Variants in CFH observed in about 807,000 individuals in gnomAD.
CFH encodes complement factor H, also known as H factor 1 (complement).
In CFH, 53 loss-of-function variants were observed where a neutral mutation model predicts 147.3. That is an observed-to-expected ratio of 0.36 (90% CI 0.29 to 0.45). The LOEUF is 0.45. Ranked by LOEUF, CFH falls within the 20% of genes least tolerant of loss-of-function variation. The probability of loss-of-function intolerance (pLI) is 1.00; values close to 1 mark genes in which losing one functional copy is unlikely to be tolerated. For synonymous variants in CFH, 536 were observed against 489.4 expected, an observed-to-expected ratio of 1.10 and a Z score of -1.26; for missense variants, 1,380 against 1,498.0, an observed-to-expected ratio of 0.92 and a Z score of 1.30.
rs778180494 is a variant in CFH at position 196,689,605 on chromosome 1, C to T, written c.1150C>T (p.Pro384Ser). The T allele has an allele frequency of 4.3e-6, 7 of 1,613,336 alleles. No homozygotes were observed. In the East Asian group the frequency reaches 1.6e-4, roughly 36 times the overall value. Residue 384 changes from proline to serine, a missense_variant, in exon 8 of 22, where the codon CCA (proline) becomes TCA (serine). By Grantham distance (74) the Pro-to-Ser change is moderately conservative. Around this residue, in one of 4 missense-constraint regions of CFH, gnomAD observed 167 missense variants for 228.0 expected, o/e 0.73. Transcript: ENST00000367429. The stretch of plus-strand genomic sequence containing the variant: ...ACAAGATGGATGGTCGCCAGCAGTA[C>T]CATGCCTCAGTAAGTAAACCTCTGA... ...CTQDGWSPAV[P>S]CLRKCYFPYL...
intron 9 of CFH, among the ~76,000 whole-genome samples, chr1:196,704,817 T>C (rs548704361): frequency 1.2e-4 from 18 of 152,172 alleles, no homozygotes; most frequent in Non-Finnish European, 2.6e-4. Context: ...TTGTACAGGA[T>C]TTGAGGGCTA....
At chr1:196,704,691 C>T (rs754719503) in intron 9 of CFH, among the ~76,000 whole-genome samples, 64 of 152,322 alleles carry the variant, frequency 4.2e-4, no homozygotes, top group Admixed American at 2.2e-3. Flanking sequence ...AGAAAAGGCA[C>T]AGCAATGCAT....
At position 196,726,588 on chromosome 1, in the gene CFH, A is replaced by T. The variant is rs981522481; in HGVS notation, c.1992A>T (p.Leu664=). The change falls in exon 13 of 22, where the codon CTA becomes CTT. Residue 664 remains leucine, a synonymous_variant. Transcript: ENST00000367429. The part of the protein sequence containing the change: ...VVEYYCNPRF[L]MKGPNKIQCV... ...AATATTATTGCAATCCTAGATTTCTAATGAAGGGACCTAATAAAATTCAAT... is the reference window on the plus strand; with the variant it reads ...AATATTATTGCAATCCTAGATTTCTTATGAAGGGACCTAATAAAATTCAAT... 6.2e-7 allele frequency: 1 copy of T among 1,612,670 alleles called. No homozygotes were observed. The highest frequency in any genetic ancestry group is 1.3e-5 in the African/African-American group (1 of 74,926).
chr1:196,701,898 C>T (rs1668465662), intron 9 of CFH, among the ~76,000 whole-genome samples: 1 of 152,118 alleles, frequency 6.6e-6, no homozygotes, highest in Non-Finnish European at 1.5e-5. Context: ...AACCTTAATA[C>T]CCACTGGATT....
At chr1:196,666,952 A>G (rs941130086) in intron 1 of CFH, among the ~76,000 whole-genome samples, 7 of 152,188 alleles carry the variant, frequency 4.6e-5, no homozygotes, top group Non-Finnish European at 7.3e-5. Context: ...CTTGGAATGA[A>G]TATGCATCTT....
intron 2 of CFH, 110 bp downstream of exon 2, chr1:196,673,273 C>CA (rs1667345203): frequency 9.9e-7 from 1 of 1,006,790 alleles, no homozygotes; most frequent in Non-Finnish European, 1.5e-6. Flanking sequence ...CAGTCAAATA[C>CA]AAAATAATAC....
At chr1:196,683,894 A>G (rs1447154806) in intron 6 of CFH, among the ~76,000 whole-genome samples, 2 of 151,794 alleles carry the variant, frequency 1.3e-5, no homozygotes, top group Admixed American at 1.3e-4. Flanking sequence ...ATCATTTACC[A>G]TGGGAAATCA....
At chr1:196,679,554 A>G (rs933330152) in intron 5 of CFH, 69 bp from the exon 6 acceptor site, 1 of 1,202,824 alleles carries the variant, frequency 8.3e-7, no homozygotes, top group Non-Finnish European at 1.2e-6. Flanking sequence ...CTGTTTTCAT[A>G]TAATTATGTC....
intron 9 of CFH, among the ~76,000 whole-genome samples, chr1:196,706,294 A>G (rs990976077): frequency 7.9e-5 from 12 of 152,300 alleles, no homozygotes; most frequent in Admixed American, 7.2e-4. Context: ...AAAGAAAAAC[A>G]ATTAAGCATG....
At chr1:196,696,131 A>G (rs1395156335) in intron 9 of CFH, among the ~76,000 whole-genome samples, 1 of 152,060 alleles carries the variant, frequency 6.6e-6, no homozygotes, top group Non-Finnish European at 1.5e-5. Context: ...ATAGACATCT[A>G]CAGAACTCTC....
At chr1:196,721,075 T>G (rs1668986321) in intron 11 of CFH, among the ~76,000 whole-genome samples, 1 of 152,040 alleles carries the variant, frequency 6.6e-6, no homozygotes, top group Non-Finnish European at 1.5e-5. Context: ...TTTTATTTCA[T>G]ATTTCTTGGT....
At chr1:196,737,061 C>A in intron 16 of CFH, 55 bp downstream of exon 16, 1 of 1,448,540 alleles carries the variant, frequency 6.9e-7, no homozygotes, top group Non-Finnish European at 9.6e-7. Context: ...TTAATATTCT[C>A]TTGTGCTTCG....
chr1:196,675,417 C>A (rs1331278149), intron 3 of CFH, among the ~76,000 whole-genome samples: 1 of 152,088 alleles, frequency 6.6e-6, no homozygotes, highest in African/African-American at 2.4e-5. Context: ...CACACACTAA[C>A]AACTTTTGGC....
chr1:196,659,884 C>CCTAG (rs1478669799), intron 1 of CFH, among the ~76,000 whole-genome samples: 1 of 152,086 alleles, frequency 6.6e-6, no homozygotes, highest in Non-Finnish European at 1.5e-5. Context: ...AGTGAGAAGA[C>CCTAG]CTAGACATTA....
intron 10 of CFH, among the ~76,000 whole-genome samples, chr1:196,714,943 C>A (rs186392099): frequency 6.6e-6 from 1 of 151,358 alleles, no homozygotes; most frequent in Non-Finnish European, 1.5e-5. Flanking sequence ...TCAAATGATC[C>A]TCCTGCCTCT....
intron 1 of CFH, among the ~76,000 whole-genome samples, chr1:196,666,769 C>A: frequency 7.2e-6 from 1 of 139,830 alleles, no homozygotes. Flanking sequence ...TGAGATTGGG[C>A]ACTCCAGCAT....
chr1:196,666,792 G>A (rs1667109352), intron 1 of CFH, among the ~76,000 whole-genome samples: 1 of 135,180 alleles, frequency 7.4e-6, no homozygotes, highest in Admixed American at 7.6e-5. Flanking sequence ...GGGACAGAGC[G>A]AGACTCCGTC....
intron 9 of CFH, among the ~76,000 whole-genome samples, chr1:196,698,803 G>A (rs964298578): frequency 6.6e-6 from 1 of 152,152 alleles, no homozygotes; most frequent in South Asian, 2.1e-4. Context: ...TATCCCTGAT[G>A]AACATCAATG....
intron 4 of CFH, among the ~76,000 whole-genome samples, chr1:196,676,686 G>A (rs528997082): frequency 6.6e-6 from 1 of 152,228 alleles, no homozygotes; most frequent in African/African-American, 2.4e-5. Context: ...ATTCCACAGT[G>A]AGTGGCAAGT....
Sources: allele counts gnomAD v4.1 joint callset (sites outside exome capture counted in the v4.1 genomes callset), GRCh38; gene constraint gnomAD v4.1.1; regional missense constraint gnomAD v4.1.1; transcripts MANE v1.5; gene names NCBI Gene and HGNC (gene_info 2026-07-23, HGNC 2026-07-21).